Variants in TRDN observed in about 807,000 individuals in gnomAD.
TRDN encodes the protein triadin in skeletal muscle.
TRDN carries 161 observed loss-of-function variants against 149.7 expected under a neutral mutation model. The observed-to-expected ratio is 1.08, with a 90% CI of 0.95 to 1.23. TRDN has a LOEUF of 1.23. Among genes scored for constraint, TRDN ranks in the 50% most tolerant of loss-of-function variants. The pLI is 0.00. For missense variants in TRDN, 896 were observed against 823.5 expected (o/e 1.09, Z -1.08); for synonymous variants, 294 against 250.5 (o/e 1.17, Z -1.64).
Position 123,619,388 on chromosome 6 carries a change from G to C in TRDN, c.22+17366C>G, listed in dbSNP as rs1287646252. ...AGTTGGTGCTGGCTGTTGGCTGGAA[G>C]CTTGGCTGGGTTTGCAGGTCAAGGT... is the stretch of plus-strand genomic sequence containing the variant. On this transcript the variant is annotated intron_variant, in intron 1 of 40. Coordinates refer to ENST00000334268, the MANE Select transcript of TRDN (RefSeq NM_006073.4). 5.9e-5 allele frequency among the ~76,000 whole-genome samples: 9 copies of C among 152,224 alleles called. No homozygotes were observed. In the South Asian group the frequency reaches 1.9e-3, roughly 32 times the overall value.
chr6:123,232,672 G>A (rs371956459), intron 38 of TRDN, among the ~76,000 whole-genome samples: 1 of 151,970 alleles, frequency 6.6e-6, no homozygotes, highest in South Asian at 2.1e-4. Context: ...CTTAGGAGAA[G>A]CAATGCTTCT....
Position 123,260,573 on chromosome 6 carries a change from C to G in TRDN, c.1831+39G>C, listed in dbSNP as rs150228080. On this transcript the variant is annotated intron_variant, in intron 34 of 40. Transcript: ENST00000334268. The stretch of plus-strand genomic sequence containing the variant: ...AACTTAAATTTACATACTGTTTCCA[C>G]AACTGTATCTTATCTCCTCTGAAAA... 1,728 of 1,408,892 alleles carry G rather than the reference C, an allele frequency of 1.2e-3. 22 individuals are homozygous for G. In the African/African-American group the frequency reaches 0.025, roughly 20 times the overall value. The allele number at this position is 1,408,892 out of a possible 1,614,324, so 87.3% of individuals were successfully genotyped here.
intron 9 of TRDN, among the ~76,000 whole-genome samples, chr6:123,493,734 C>A (rs1194570727): frequency 6.6e-6 from 1 of 152,148 alleles, no homozygotes; most frequent in African/African-American, 2.4e-5. Flanking sequence ...TGGATACATG[C>A]AGAGCAATAA....
At chr6:123,507,567 C>G (rs1778987626) in intron 7 of TRDN, among the ~76,000 whole-genome samples, 1 of 152,058 alleles carries the variant, frequency 6.6e-6, no homozygotes, top group Non-Finnish European at 1.5e-5. Context: ...CACCCAACTT[C>G]TATTTACTTT....
intron 12 of TRDN, among the ~76,000 whole-genome samples, chr6:123,400,683 TAGAG>T (rs1041000755): frequency 6.6e-6 from 1 of 152,048 alleles, no homozygotes; most frequent in African/African-American, 2.4e-5. Context: ...ACATATAAGG[TAGAG>T]AGAGTGCTTT....
chr6:123,395,458 T>C (rs749901086), intron 12 of TRDN, among the ~76,000 whole-genome samples: 2 of 152,092 alleles, frequency 1.3e-5, no homozygotes, highest in African/African-American at 2.4e-5. Flanking sequence ...TGGTCATCTC[T>C]CAATGGGGTT....
At chr6:123,227,869 A>G (rs1175169759) in intron 38 of TRDN, among the ~76,000 whole-genome samples, 2 of 151,904 alleles carry the variant, frequency 1.3e-5, no homozygotes, top group Admixed American at 6.6e-5. Flanking sequence ...TACTGTACAA[A>G]TAGAGGAGAG....
At chr6:123,595,603 T>C (rs1278669273) in intron 1 of TRDN, among the ~76,000 whole-genome samples, 1 of 152,162 alleles carries the variant, frequency 6.6e-6, no homozygotes, top group Non-Finnish European at 1.5e-5. Flanking sequence ...GCAAGTCCAT[T>C]GGCATCATTT....
intron 38 of TRDN, among the ~76,000 whole-genome samples, chr6:123,250,283 G>A (rs59271437): frequency 0.011 from 1,715 of 152,152 alleles, 35 homozygotes; most frequent in South Asian, 0.076. Flanking sequence ...CTAGAGTGGA[G>A]TTAGGGGAAG....
At chr6:123,597,379 C>A (rs1784085494) in intron 1 of TRDN, among the ~76,000 whole-genome samples, 1 of 152,052 alleles carries the variant, frequency 6.6e-6, no homozygotes, top group Non-Finnish European at 1.5e-5. Flanking sequence ...GAAATGGAAT[C>A]TACTGCTGGT....
At chr6:123,319,204 CTTTCAAAGT>C (rs753531742) in intron 23 of TRDN, among the ~76,000 whole-genome samples, 16 of 151,784 alleles carry the variant, frequency 1.1e-4, no homozygotes, top group Non-Finnish European at 2.1e-4. Flanking sequence ...ATTGCATGAT[CTTTCAAAGT>C]AATTTTCTCT....
chr6:123,287,436 C>T (rs1374968339), intron 24 of TRDN, among the ~76,000 whole-genome samples: 1 of 152,110 alleles, frequency 6.6e-6, no homozygotes, highest in Non-Finnish European at 1.5e-5. Context: ...ATTTAATCTT[C>T]CAGGTGTACC....
intron 22 of TRDN, among the ~76,000 whole-genome samples, chr6:123,332,138 C>A (rs1779681949): frequency 6.6e-6 from 1 of 151,966 alleles, no homozygotes; most frequent in Non-Finnish European, 1.5e-5. Flanking sequence ...TTCCTTGGCA[C>A]AAACATAAGT....
At chr6:123,580,607 A>C (rs941691636) in intron 1 of TRDN, among the ~76,000 whole-genome samples, 1 of 152,196 alleles carries the variant, frequency 6.6e-6, no homozygotes, top group African/African-American at 2.4e-5. Context: ...TTTGCTTAGA[A>C]CAGATGACAG....
rs796786328 is a variant in TRDN at position 123,515,260 on chromosome 6, A to G, written c.550+881T>C. Among the ~76,000 whole-genome samples, 14 of 152,146 alleles carry G rather than the reference A, an allele frequency of 9.2e-5. 1 individual carries two copies. The highest frequency in any genetic ancestry group is 3.4e-4 in the African/African-American group (14 of 41,540). The stretch of plus-strand genomic sequence containing the variant: ...CAAATAAAAAATACAAAGGAAGGAG[A>G]AAAATAATTCATGATCTGAATGTGA... On this transcript the variant is annotated intron_variant, in intron 6 of 40. Transcript: ENST00000334268.
At position 123,377,392 on chromosome 6, in the gene TRDN, T is replaced by C. The variant is rs1781548908; in HGVS notation, c.1246+324A>G. Among the ~76,000 whole-genome samples, 3 of 152,186 alleles carry C rather than the reference T, an allele frequency of 2.0e-5. No individual in the cohort carries two copies. The East Asian group carries it at 5.8e-4, about 29-fold the overall frequency. On this transcript the variant is annotated intron_variant, in intron 18 of 40. Transcript: ENST00000334268. ...CTTCGCAAATACTGCACAGATGAAT[T>C]CACTGAGGGTCTTGTGAAGTTGCAG...
chr6:123,533,238 AT>A (rs1036822247), intron 4 of TRDN, among the ~76,000 whole-genome samples: 3 of 151,826 alleles, frequency 2.0e-5, no homozygotes, highest in South Asian at 4.2e-4. Context: ...TTAGAATAAT[AT>A]TTTTTTTAGA....
At chr6:123,316,886 T>C (rs1035831111) in intron 23 of TRDN, among the ~76,000 whole-genome samples, 2 of 151,816 alleles carry the variant, frequency 1.3e-5, no homozygotes, top group Non-Finnish European at 2.9e-5. Flanking sequence ...CTTAAGCAAT[T>C]TTGTCTTTGA....
intron 20 of TRDN, among the ~76,000 whole-genome samples, chr6:123,354,606 A>T (rs1200910036): frequency 6.6e-6 from 1 of 151,926 alleles, no homozygotes; most frequent in African/African-American, 2.4e-5. Flanking sequence ...AGGGCAATGT[A>T]GAAATACATA....
Sources: gnomAD v4.1 joint callset for allele counts (sites outside exome capture counted in the v4.1 genomes callset) on GRCh38, gnomAD v4.1.1 for gene constraint, MANE v1.5 for transcripts, NCBI Gene and HGNC (gene_info 2026-07-23, HGNC 2026-07-21) for gene names.